DMD: variants seen among roughly 807,000 people sequenced by gnomAD.
DMD encodes the protein mutant dystrophin.
A neutral mutation model predicts 330.1 loss-of-function variants in DMD; 63 were observed. The ratio of observed to expected loss-of-function variants is 0.19; its 90% CI spans 0.16 to 0.24. The LOEUF is 0.24. DMD is among the 10% of genes least tolerant of loss of function. The pLI is 1.00. For synonymous variants in DMD, 1,223 were observed against 959.8 expected (o/e 1.27, Z -5.07); for missense variants, 3,344 against 2,684.1 (o/e 1.25, Z -5.43).
chrX:32,404,639 T>C (rs889314517), intron 30 of DMD, among the ~76,000 whole-genome samples: 7 of 111,532 alleles, frequency 6.3e-5, no homozygotes, highest in Non-Finnish European at 1.1e-4. Flanking sequence ...CCATGTTGGG[T>C]TGTTCTTACA....
At chrX:32,052,997 A>G (rs1336761263) in intron 44 of DMD, among the ~76,000 whole-genome samples, 2 of 111,586 alleles carry the variant, frequency 1.8e-5, no homozygotes, top group East Asian at 2.8e-4. Context: ...GAATACTCAT[A>G]AATTGTGAGT....
At chrX:32,150,896 ACCGTG>A (rs939160517) in intron 44 of DMD, among the ~76,000 whole-genome samples, 1 of 110,964 alleles carries the variant, frequency 9.0e-6, no homozygotes, top group Non-Finnish European at 1.9e-5. Context: ...GGTCCAAACT[ACCGTG>A]CTGCTACTCC....
In DMD at chrX:31,260,665, T is replaced by C. The variant is rs147950844; in HGVS notation, c.9286+290A>G. ...GAAGAAAAAAAAAAATAGCCATAAA[T>C]TGCAACTGTTTTTCCATCATTTTAG... On this transcript the variant is annotated intron_variant, in intron 63 of 78. Transcript: ENST00000357033. Among the ~76,000 whole-genome samples the C allele has an allele frequency of 3.7e-3, 409 of 111,393 alleles. 16 individuals are homozygous for C. In the East Asian group the frequency reaches 0.094, roughly 26 times the overall value.
In DMD at chrX:33,233,735, C is replaced by T. The variant is rs747945544; in HGVS notation, c.7+105524G>A. Among the ~76,000 whole-genome samples, 11 of 111,198 alleles carry T rather than the reference C, an allele frequency of 9.9e-5. No individual in the cohort carries two copies. In the South Asian group the frequency reaches 3.1e-3, roughly 31 times the overall value. ...CATGTAACATCCGTATTTTGACTGT[C>T]GTGGTGGACGCACTAATCTACATGT... On this transcript the variant is annotated intron_variant, in intron 1 of 17. Transcript: ENST00000288447.
At chrX:32,452,911 A>G (rs1325909325) in intron 26 of DMD, among the ~76,000 whole-genome samples, 1 of 110,890 alleles carries the variant, frequency 9.0e-6, no homozygotes, top group Non-Finnish European at 1.9e-5. Context: ...TTCTCTTCCC[A>G]ATTAGCTTCA....
chrX:32,490,015 A>G (rs973110018), intron 20 of DMD, among the ~76,000 whole-genome samples: 1 of 112,241 alleles, frequency 8.9e-6, no homozygotes, highest in East Asian at 2.8e-4. Context: ...TAATAATGCT[A>G]CAGGTCCGAT....
At position 31,687,711 on chromosome X, in the gene DMD, A is replaced by G. The variant is rs747047488; in HGVS notation, c.7661-8125T>C. On this transcript the variant is annotated intron_variant, in intron 52 of 78. Coordinates refer to ENST00000357033, the MANE Select transcript of DMD (RefSeq NM_004006.3). ...ACTGGCCCTCAGACAGCATCTCTGG[A>G]TATGCCCGGGGCCTAAGATTTCCAC... Among the ~76,000 whole-genome samples, 3 of 112,249 alleles carry G rather than the reference A, an allele frequency of 2.7e-5. No individual in the cohort carries two copies. In the South Asian group the frequency reaches 1.1e-3, roughly 43 times the overall value.
At chrX:31,607,578 T>C (rs1292410857) in intron 55 of DMD, among the ~76,000 whole-genome samples, 3 of 112,367 alleles carry the variant, frequency 2.7e-5, no homozygotes, top group Non-Finnish European at 5.6e-5. Context: ...TTTTCATATG[T>C]CTCTTTGAAT....
At chrX:32,023,862 G>A (rs1401993979) in intron 44 of DMD, among the ~76,000 whole-genome samples, 2 of 111,355 alleles carry the variant, frequency 1.8e-5, no homozygotes, top group Admixed American at 1.9e-4. Flanking sequence ...GCATGTTCTC[G>A]CTTAAAAGTG....
chrX:32,165,219 C>A (rs777712599), intron 44 of DMD, among the ~76,000 whole-genome samples: 2 of 112,442 alleles, frequency 1.8e-5, no homozygotes, highest in African/African-American at 6.5e-5. Context: ...GCTTGCACCA[C>A]GTGCCTGGAA....
chrX:31,347,023 AAAAAAAAAAAAAAG>A (rs1207254135), intron 61 of DMD, among the ~76,000 whole-genome samples: 35 of 75,956 alleles, frequency 4.6e-4, no homozygotes, highest in South Asian at 1.6e-3. Flanking sequence ...AAAAAAAAAA[AAAAAAAAAAAAAAG>A]GAAGGATGCA....
chrX:33,036,321 G>T (rs1461807023), intron 1 of DMD, among the ~76,000 whole-genome samples: 1 of 111,689 alleles, frequency 9.0e-6, no homozygotes, highest in Non-Finnish European at 1.9e-5. Context: ...AATTGTAATT[G>T]CATTGCACAA....
At chrX:32,941,325 G>A (rs2090399512) in intron 2 of DMD, among the ~76,000 whole-genome samples, 2 of 111,607 alleles carry the variant, frequency 1.8e-5, no homozygotes, top group Admixed American at 1.9e-4. Flanking sequence ...AAATAAAATT[G>A]TTTTAACATA....
At chrX:33,181,882 A>T (rs62590984) in intron 1 of DMD, among the ~76,000 whole-genome samples, 11,623 of 111,760 alleles carry the variant, frequency 0.1, 463 homozygotes, top group Middle Eastern at 0.14. Context: ...CGGCCAACCC[A>T]GTGCTTTCCA....
At chrX:32,361,615 T>C (rs908307547) in intron 37 of DMD, among the ~76,000 whole-genome samples, 1 of 111,998 alleles carries the variant, frequency 8.9e-6, no homozygotes, top group Non-Finnish European at 1.9e-5. Context: ...TCATGTCACA[T>C]TTCACTTATT....
intron 62 of DMD, among the ~76,000 whole-genome samples, chrX:31,288,923 T>A (rs1299164852): frequency 9.0e-6 from 1 of 111,230 alleles, no homozygotes; most frequent in Non-Finnish European, 1.9e-5. Context: ...AGGTTTTTTG[T>A]ATATATAACT....
At chrX:32,295,752 T>G (rs186905553) in intron 42 of DMD, among the ~76,000 whole-genome samples, 1,349 of 112,160 alleles carry the variant, frequency 0.012, 20 homozygotes, top group African/African-American at 0.041. Context: ...GAAGCAACCC[T>G]TAACTATGCT....
intron 47 of DMD, among the ~76,000 whole-genome samples, chrX:31,909,883 AAG>A (rs1344554255): frequency 9.1e-6 from 1 of 110,232 alleles, no homozygotes; most frequent in African/African-American, 3.4e-5. Flanking sequence ...TATGTTCCAG[AAG>A]AGAGAGATTT....
chrX:32,570,224 T>C (rs1296799323), intron 15 of DMD, among the ~76,000 whole-genome samples: 1 of 111,480 alleles, frequency 9.0e-6, no homozygotes, highest in East Asian at 2.8e-4. Flanking sequence ...TAGTGAAAAC[T>C]GGTGACAGAT....
Sources: gnomAD v4.1 joint callset for allele counts (sites outside exome capture counted in the v4.1 genomes callset) on GRCh38, gnomAD v4.1.1 for gene constraint, MANE v1.5 for transcripts, NCBI Gene and HGNC (gene_info 2026-07-23, HGNC 2026-07-21) for gene names.